Variants in CRCP observed in about 807,000 individuals in gnomAD.
CRCP encodes CGRP receptor component, also known as DNA-directed RNA polymerase III subunit RPC9.
CRCP carries 18 observed loss-of-function variants against 18.5 expected under a neutral mutation model. The ratio of observed to expected loss-of-function variants is 0.97; its 90% CI spans 0.67 to 1.44. The LOEUF (loss-of-function observed/expected upper bound fraction) is 1.44, where lower values mean the gene tolerates loss of function less well. Among genes scored for constraint, CRCP ranks in the 40% most tolerant of loss-of-function variants. The pLI, the probability that CRCP is intolerant of heterozygous loss-of-function variation, is 0.00. For synonymous variants in CRCP, 53 were observed against 62.9 expected (o/e 0.84, Z 0.75); for missense variants, 130 against 176.4 (o/e 0.74, Z 1.49).
chr7:66,123,162 G>A (rs1787502393), intron 1 of CRCP, among the ~76,000 whole-genome samples: 1 of 151,962 alleles, frequency 6.6e-6, no homozygotes, highest in South Asian at 2.1e-4. Flanking sequence ...CACCGTGTTA[G>A]CCAGGATGGT....
intron 4 of CRCP, among the ~76,000 whole-genome samples, chr7:66,141,863 C>T (rs1788149918): frequency 6.6e-6 from 1 of 152,152 alleles, no homozygotes. Context: ...TGTTTGTGCG[C>T]TGACCCCCTT....
intron 4 of CRCP, among the ~76,000 whole-genome samples, chr7:66,134,890 C>G (rs558494045): frequency 2.0e-5 from 3 of 152,264 alleles, no homozygotes; most frequent in African/African-American, 7.2e-5. Flanking sequence ...CTCTGAGTTT[C>G]ATTATCCTTA....
intron 1 of CRCP, among the ~76,000 whole-genome samples, chr7:66,118,649 T>C (rs756176743): frequency 2.0e-5 from 3 of 152,246 alleles, no homozygotes; most frequent in Non-Finnish European, 2.9e-5. Flanking sequence ...GTGTAGTATT[T>C]GCATATAATC....
chr7:66,140,332 GTTTGC>G (rs985336574), intron 4 of CRCP, among the ~76,000 whole-genome samples: 1 of 150,854 alleles, frequency 6.6e-6, no homozygotes, highest in Non-Finnish European at 1.5e-5. Context: ...ACCTGCTTTT[GTTTGC>G]TTTTCAGAGT....
rs148981826 is a variant in CRCP, at chr7:66,145,452, G to A, written c.249G>A (p.Lys83=). 1.9e-6 allele frequency: 3 copies of A among 1,613,888 alleles called. No individual in the cohort carries two copies. The highest frequency in any genetic ancestry group is 1.7e-5 in the Admixed American group (1 of 60,010). Residue 83 remains lysine, a synonymous_variant, in exon 5 of 6, where the codon AAG becomes AAA. Coordinates refer to ENST00000395326, the MANE Select transcript of CRCP (RefSeq NM_014478.5). ...TACTTTCCCTCCACAGAGCTGAGAA[G>A]CTCCAGCTGCTGAACCACCGGCCTG... ...LKSHKLTKAE[K]LQLLNHRPVT... is the part of the protein sequence containing the mutation.
intron 5 of CRCP, 80 bp downstream of exon 5, chr7:66,145,580 G>A: frequency 6.6e-7 from 1 of 1,504,726 alleles, no homozygotes; most frequent in Non-Finnish European, 9.2e-7. Context: ...GCCAGGAACT[G>A]CGTTTTTTTT....
At chr7:66,149,480 A>G (rs1034050688) in intron 5 of CRCP, among the ~76,000 whole-genome samples, 2 of 152,172 alleles carry the variant, frequency 1.3e-5, no homozygotes, top group African/African-American at 4.8e-5. Flanking sequence ...GATTGCGCCC[A>G]AAGAATAAAG....
intron 1 of CRCP, among the ~76,000 whole-genome samples, chr7:66,118,872 G>T (rs1469883197): frequency 6.6e-6 from 1 of 152,212 alleles, no homozygotes; most frequent in Non-Finnish European, 1.5e-5. Context: ...CTTCAGAGCA[G>T]TAAAGGTGAA....
At chr7:66,128,746 A>T (rs895004518) in intron 2 of CRCP, 4 of 152,160 alleles carry the variant, frequency 2.6e-5, no homozygotes, top group Non-Finnish European at 5.9e-5. Context: ...AAGAAGGAAA[A>T]AGGTTGGTAA....
At chr7:66,150,636 G>A (rs1199921996) in intron 5 of CRCP, 2 of 152,010 alleles carry the variant, frequency 1.3e-5, no homozygotes, top group African/African-American at 4.8e-5. Context: ...GTCTGTAAAG[G>A]GAGGTGGTCA....
In CRCP at chr7:66,152,625, C is replaced by A. The variant is rs539483826; in HGVS notation, c.*268C>A. On this transcript the variant is annotated 3_prime_UTR_variant, in exon 6 of 6. Coordinates refer to ENST00000395326, the MANE Select transcript of CRCP (RefSeq NM_014478.5). Reference sequence around the variant, plus strand: ...CCCCTCTGTGCTTGAAAGATTTCCTCCACGGCCTTTGCCCCAGTTGTGGGG... The same window carrying A: ...CCCCTCTGTGCTTGAAAGATTTCCTACACGGCCTTTGCCCCAGTTGTGGGG... 20 of 407,318 alleles carry A rather than the reference C, an allele frequency of 4.9e-5. No homozygotes were observed. Among genetic ancestry groups the A allele is most frequent in the African/African-American group, 4.1e-4 (20 of 49,190 alleles). The allele number at this position is 407,318 out of a possible 1,614,324, so 25.2% of individuals were successfully genotyped here. A position where few individuals can be genotyped will look rare whatever the true frequency, so the allele number is the denominator to read the frequency against.
chr7:66,149,198 C>G (rs1319332845), intron 5 of CRCP, among the ~76,000 whole-genome samples: 2 of 152,100 alleles, frequency 1.3e-5, no homozygotes, highest in African/African-American at 4.8e-5. Flanking sequence ...AACTTTACTT[C>G]TTTATTTGGA....
intron 3 of CRCP, among the ~76,000 whole-genome samples, chr7:66,131,788 A>T (rs1327089763): frequency 6.7e-6 from 1 of 150,282 alleles, no homozygotes; most frequent in Non-Finnish European, 1.5e-5. Context: ...TTTTTTTGAG[A>T]CGGATTCTCG....
intron 1 of CRCP, among the ~76,000 whole-genome samples, chr7:66,125,120 C>T (rs1480776601): frequency 6.7e-6 from 1 of 149,042 alleles, no homozygotes; most frequent in African/African-American, 2.4e-5. Flanking sequence ...TGATTATATC[C>T]TCATGGATAG....
rs576904298 is a variant in CRCP at position 66,139,648 on chromosome 7, C to T, written c.239+5274C>T. On this transcript the variant is annotated intron_variant, in intron 4 of 5. Coordinates refer to ENST00000395326, the MANE Select transcript of CRCP (RefSeq NM_014478.5). ...CAGACTTCAAGTCGGTCTTGCCTTC[C>T]GGGGCAAGGATTTCAGTGTCATTTG... is the stretch of plus-strand genomic sequence containing the variant. Among the ~76,000 whole-genome samples, 6 of 152,274 alleles carry T rather than the reference C, an allele frequency of 3.9e-5. No individual in the cohort carries two copies. In the South Asian group the frequency reaches 1.0e-3, roughly 26 times the overall value.
At position 66,145,432 on chromosome 7, in the gene CRCP, TC is replaced by T. The variant is rs748453251; in HGVS notation, c.240-8del. The T allele has an allele frequency of 1.2e-5, 19 of 1,613,770 alleles. No homozygotes were observed. The highest frequency in any genetic ancestry group is 1.6e-4 in the Middle Eastern group (1 of 6,062). ...TATGCGAGTTGTCAACGCTGTACTT[TC>T]CCTCCACAGAGCTGAGAAGCTCCAG... On this transcript the variant is annotated splice_polypyrimidine_tract_variant and intron_variant, in intron 4 of 5. Transcript: ENST00000395326.
chr7:66,115,092 G>A (rs1787214460), intron 1 of CRCP, 122 bp downstream of exon 1: 1 of 1,420,376 alleles, frequency 7.0e-7, no homozygotes, highest in Non-Finnish European at 9.5e-7. Flanking sequence ...GCAGCGGGCC[G>A]GCCCTGTCCG....
At chr7:66,130,912 T>C in intron 3 of CRCP, 70 bp downstream of exon 3, 1 of 858,174 alleles carries the variant, frequency 1.2e-6, no homozygotes, top group Non-Finnish European at 1.9e-6. Flanking sequence ...TCCCAATGAC[T>C]GGCAGCTGAA....
chr7:66,146,048 T>C (rs996303641), intron 5 of CRCP, among the ~76,000 whole-genome samples: 1 of 152,186 alleles, frequency 6.6e-6, no homozygotes, highest in Non-Finnish European at 1.5e-5. Flanking sequence ...TCGTTCTTGC[T>C]TCTCTCCCCC....
Sources: allele counts gnomAD v4.1 joint callset (sites outside exome capture counted in the v4.1 genomes callset), GRCh38; gene constraint gnomAD v4.1.1; transcripts MANE v1.5; gene names NCBI Gene and HGNC (gene_info 2026-07-23, HGNC 2026-07-21).